GNAQ: variants seen among roughly 807,000 people sequenced by gnomAD.
The protein encoded by GNAQ is guanine nucleotide-binding protein G(q) subunit alpha.
A neutral mutation model predicts 43.9 loss-of-function variants in GNAQ; 8 were observed. That is an observed-to-expected ratio of 0.18 (90% CI 0.11 to 0.33). The LOEUF (loss-of-function observed/expected upper bound fraction) is 0.33, where lower values mean the gene tolerates loss of function less well. Among genes scored for constraint, GNAQ ranks in the 10% least tolerant of loss-of-function variants. The pLI is 1.00. For synonymous variants in GNAQ, 155 were observed against 170.7 expected (o/e 0.91, Z 0.71); for missense variants, 158 against 450.8 (o/e 0.35, Z 5.88).
At chr9:77,760,693 C>A (rs1484872194) in intron 5 of GNAQ, among the ~76,000 whole-genome samples, 1 of 151,612 alleles carries the variant, frequency 6.6e-6, no homozygotes, top group Non-Finnish European at 1.5e-5. Context: ...AGGAGCCCCT[C>A]TGCCTGGCTG....
At chr9:78,025,326 A>C (rs1459928297) in intron 1 of GNAQ, among the ~76,000 whole-genome samples, 1 of 152,206 alleles carries the variant, frequency 6.6e-6, no homozygotes, top group East Asian at 1.9e-4. Context: ...CTATTCACAC[A>C]AAATAGTGTT....
At chr9:77,959,370 A>G (rs1380557220) in intron 1 of GNAQ, among the ~76,000 whole-genome samples, 1 of 152,166 alleles carries the variant, frequency 6.6e-6, no homozygotes, top group Non-Finnish European at 1.5e-5. Context: ...TTATTTTTAT[A>G]TGTTTTAGTT....
intron 2 of GNAQ, among the ~76,000 whole-genome samples, chr9:77,820,776 A>G (rs933872708): frequency 6.6e-6 from 1 of 152,222 alleles, no homozygotes; most frequent in African/African-American, 2.4e-5. Flanking sequence ...GGTATCAATA[A>G]TAACTCTGTC....
intron 1 of GNAQ, among the ~76,000 whole-genome samples, chr9:77,998,032 C>G (rs1034294041): frequency 2.0e-5 from 3 of 152,176 alleles, no homozygotes; most frequent in African/African-American, 7.2e-5. Flanking sequence ...TCTCCTCCTC[C>G]TTTCTTCCCC....
intron 2 of GNAQ, among the ~76,000 whole-genome samples, chr9:77,919,167 G>C (rs542484081): frequency 6.6e-6 from 1 of 152,122 alleles, no homozygotes; most frequent in African/African-American, 2.4e-5. Context: ...CTACCAGCCC[G>C]CCTTAGCCTC....
chr9:77,994,341 C>A (rs566725944), intron 1 of GNAQ, among the ~76,000 whole-genome samples: 1 of 152,282 alleles, frequency 6.6e-6, no homozygotes, highest in African/African-American at 2.4e-5. Flanking sequence ...CATCTAGCCA[C>A]GTGTATTTTA....
intron 5 of GNAQ, among the ~76,000 whole-genome samples, chr9:77,731,161 C>T (rs1825481140): frequency 6.6e-6 from 1 of 152,114 alleles, no homozygotes; most frequent in Admixed American, 6.5e-5. Context: ...TGGCTGGAGA[C>T]TTTCAAGGGG....
intron 5 of GNAQ, among the ~76,000 whole-genome samples, chr9:77,767,779 G>A (rs1428632202): frequency 6.6e-6 from 1 of 152,092 alleles, no homozygotes; most frequent in African/African-American, 2.4e-5. Flanking sequence ...CCACCTTTAT[G>A]TCCTCTCAGC....
chr9:78,007,318 C>T (rs1407132227), intron 1 of GNAQ, among the ~76,000 whole-genome samples: 1 of 140,240 alleles, frequency 7.1e-6, no homozygotes, highest in Admixed American at 7.1e-5. Context: ...CACTTAAAAA[C>T]CTTGACTAAA....
intron 2 of GNAQ, among the ~76,000 whole-genome samples, chr9:77,912,440 A>G (rs905133844): frequency 1.3e-5 from 2 of 152,342 alleles, no homozygotes; most frequent in East Asian, 1.9e-4. Flanking sequence ...ATGTAAAACA[A>G]TAAAGAACTT....
At chr9:77,760,419 G>C (rs1485170734) in intron 5 of GNAQ, among the ~76,000 whole-genome samples, 1 of 152,130 alleles carries the variant, frequency 6.6e-6, no homozygotes, top group African/African-American at 2.4e-5. Context: ...GTGTTGGCCG[G>C]GCTGGCCTCC....
At chr9:77,911,785 G>C (rs1828809187) in intron 2 of GNAQ, among the ~76,000 whole-genome samples, 1 of 152,132 alleles carries the variant, frequency 6.6e-6, no homozygotes, top group Non-Finnish European at 1.5e-5. Flanking sequence ...TCCAACTCTT[G>C]TTAGAGGAAA....
chr9:77,871,647 C>T (rs1828039656), intron 2 of GNAQ, among the ~76,000 whole-genome samples: 1 of 152,094 alleles, frequency 6.6e-6, no homozygotes. Flanking sequence ...TTGGTGGCTT[C>T]CTCCCCATAT....
At chr9:77,823,008 C>T (rs1291225507) in intron 2 of GNAQ, among the ~76,000 whole-genome samples, 13 of 151,654 alleles carry the variant, frequency 8.6e-5, no homozygotes, top group Admixed American at 7.9e-4. Context: ...TGGCAAATCT[C>T]GGCTCACTGC....
chr9:77,777,353 A>C (rs1184310970), intron 5 of GNAQ, among the ~76,000 whole-genome samples: 1 of 152,074 alleles, frequency 6.6e-6, no homozygotes, highest in Non-Finnish European at 1.5e-5. Context: ...ACTCAAAATG[A>C]ACAATATACT....
At chr9:77,974,896 A>C (rs1324385071) in intron 1 of GNAQ, among the ~76,000 whole-genome samples, 1 of 152,252 alleles carries the variant, frequency 6.6e-6, no homozygotes, top group Non-Finnish European at 1.5e-5. Flanking sequence ...GCATAGCTTG[A>C]AATATTCTTG....
At chr9:77,728,184 G>A (rs1476148867) in intron 6 of GNAQ, among the ~76,000 whole-genome samples, 1 of 151,990 alleles carries the variant, frequency 6.6e-6, no homozygotes, top group East Asian at 1.9e-4. Flanking sequence ...TAGTAGAAAC[G>A]GGGTTTCACC....
At chr9:78,005,292 G>A (rs552045230) in intron 1 of GNAQ, among the ~76,000 whole-genome samples, 5 of 152,270 alleles carry the variant, frequency 3.3e-5, no homozygotes, top group African/African-American at 4.8e-5. Context: ...CAATCTGCCC[G>A]CCTTGGCCTC....
At chr9:77,917,898 ATCTT>A (rs1828937540) in intron 2 of GNAQ, among the ~76,000 whole-genome samples, 1 of 152,216 alleles carries the variant, frequency 6.6e-6, no homozygotes, top group Non-Finnish European at 1.5e-5. Flanking sequence ...GGAAGAATTC[ATCTT>A]TCTTTTGGTA....
Sources: allele counts gnomAD v4.1 joint callset (sites outside exome capture counted in the v4.1 genomes callset), GRCh38; gene constraint gnomAD v4.1.1; transcripts MANE v1.5; gene names NCBI Gene and HGNC (gene_info 2026-07-23, HGNC 2026-07-21).